The following GTF2E2 variants were observed in gnomAD, a reference collection of about 807,000 sequenced individuals.
The protein encoded by GTF2E2 is transcription initiation factor IIE subunit beta.
GTF2E2 carries 21 observed loss-of-function variants against 40.5 expected under a neutral mutation model. The observed-to-expected ratio is 0.52, with a 90% CI of 0.37 to 0.75. The LOEUF is 0.75. Among genes scored for constraint, GTF2E2 ranks in the 30% least tolerant of loss-of-function variants. The probability of loss-of-function intolerance (pLI) is 0.00; values close to 1 mark genes in which losing one functional copy is unlikely to be tolerated. For missense variants in GTF2E2, 298 were observed against 338.4 expected, an observed-to-expected ratio of 0.88 and a Z score of 0.94; for synonymous variants, 117 against 121.6, an observed-to-expected ratio of 0.96 and a Z score of 0.25.
At chr8:30,585,634 T>C (rs1340539679) in intron 6 of GTF2E2, among the ~76,000 whole-genome samples, 1 of 152,066 alleles carries the variant, frequency 6.6e-6, no homozygotes, top group Non-Finnish European at 1.5e-5. Context: ...TGTGTATTGC[T>C]AGTGTAAAAT....
intron 5 of GTF2E2, among the ~76,000 whole-genome samples, chr8:30,612,029 C>T (rs1484806363): frequency 1.3e-5 from 2 of 152,146 alleles, no homozygotes; most frequent in African/African-American, 2.4e-5. Context: ...AACTCTATTG[C>T]CTTTGAGGAA....
chr8:30,620,409 G>A (rs1372932126), intron 3 of GTF2E2, among the ~76,000 whole-genome samples: 3 of 152,008 alleles, frequency 2.0e-5, no homozygotes, highest in Non-Finnish European at 4.4e-5. Context: ...GTAAGAAAAG[G>A]TTAAATGAAG....
intron 3 of GTF2E2, among the ~76,000 whole-genome samples, chr8:30,620,834 C>A (rs953004754): frequency 1.3e-5 from 2 of 151,208 alleles, no homozygotes; most frequent in Non-Finnish European, 2.9e-5. Flanking sequence ...GAGGCTGAGG[C>A]AGGAGAATCG....
At chr8:30,599,331 C>T (rs1420255062) in intron 6 of GTF2E2, among the ~76,000 whole-genome samples, 1 of 152,162 alleles carries the variant, frequency 6.6e-6, no homozygotes, top group African/African-American at 2.4e-5. Flanking sequence ...TATCCCAGCA[C>T]TTTGGGCGGC....
chr8:30,620,117 C>A (rs1801043251), intron 3 of GTF2E2, among the ~76,000 whole-genome samples: 1 of 151,906 alleles, frequency 6.6e-6, no homozygotes, highest in Admixed American at 6.6e-5. Flanking sequence ...TGACTTTAGC[C>A]CAGCAAGTCT....
intron 1 of GTF2E2, among the ~76,000 whole-genome samples, chr8:30,655,581 A>G (rs1802425831): frequency 6.6e-6 from 1 of 152,224 alleles, no homozygotes; most frequent in African/African-American, 2.4e-5. Flanking sequence ...TACTGGTTTC[A>G]CAAGCCTTTA....
chr8:30,580,444 A>G lies in GTF2E2; in HGVS notation c.644-48T>C, dbSNP rs774887008. 2.9e-6 allele frequency: 3 copies of G among 1,035,252 alleles called. No individual in the cohort carries two copies. The South Asian group carries it at 3.8e-5, about 13-fold the overall frequency. The allele number at this position is 1,035,252 out of a possible 1,614,324, so 64.1% of individuals were successfully genotyped here. A position where few individuals can be genotyped will look rare whatever the true frequency, so the allele number is the denominator to read the frequency against. On this transcript the variant is annotated intron_variant, in intron 6 of 7. Transcript: ENST00000355904. ...ATTTTACAATCCATTTTTACAAACT[A>G]TAGCATCTTGATCAAAATCCAGGTT...
intron 2 of GTF2E2, among the ~76,000 whole-genome samples, chr8:30,650,787 G>A (rs1156384171): frequency 1.3e-5 from 2 of 152,016 alleles, no homozygotes; most frequent in Non-Finnish European, 2.9e-5. Flanking sequence ...AGGCCAAGGC[G>A]GGTGGATCAC....
intron 6 of GTF2E2, among the ~76,000 whole-genome samples, chr8:30,584,249 C>G (rs1342576232): frequency 1.3e-5 from 2 of 150,384 alleles, no homozygotes; most frequent in African/African-American, 4.9e-5. Context: ...TCTGGCGGTA[C>G]TAAAAGATGT....
chr8:30,580,157 T>G (rs1250927078), intron 7 of GTF2E2, 124 bp downstream of exon 7: 2 of 656,654 alleles, frequency 3.0e-6, no homozygotes, highest in Admixed American at 5.0e-5. Context: ...AGATGTGACC[T>G]GGGCTGCGGA....
chr8:30,654,087 TCA>T (rs1563514056), intron 1 of GTF2E2, among the ~76,000 whole-genome samples: 2 of 28,396 alleles, frequency 7.0e-5, no homozygotes, highest in Non-Finnish European at 8.2e-5. Flanking sequence ...AGACCCTTGT[TCA>T]AAAAAAAAAA....
At chr8:30,588,343 G>A (rs540134369) in intron 6 of GTF2E2, among the ~76,000 whole-genome samples, 1 of 152,158 alleles carries the variant, frequency 6.6e-6, no homozygotes, top group South Asian at 2.1e-4. Flanking sequence ...ACAGATGAAC[G>A]GATAACAAAA....
At chr8:30,636,868 A>G in intron 2 of GTF2E2, 1 of 362,990 alleles carries the variant, frequency 2.8e-6, no homozygotes, top group Non-Finnish European at 5.3e-6. Flanking sequence ...AAAAAAAAAA[A>G]AAAAAAGAAT....
At chr8:30,636,378 T>C (rs756929130) in intron 2 of GTF2E2, among the ~76,000 whole-genome samples, 1 of 152,128 alleles carries the variant, frequency 6.6e-6, no homozygotes, top group South Asian at 2.1e-4. Flanking sequence ...AAACAAAAGA[T>C]TGCATTAGAA....
chr8:30,608,996 G>A (rs1268060881), intron 5 of GTF2E2, among the ~76,000 whole-genome samples: 5 of 152,004 alleles, frequency 3.3e-5, no homozygotes, highest in Non-Finnish European at 5.9e-5. Flanking sequence ...TGATCCACCC[G>A]CCTCGGCCTC....
intron 3 of GTF2E2, among the ~76,000 whole-genome samples, chr8:30,626,909 A>G (rs1425870483): frequency 6.6e-6 from 1 of 152,232 alleles, no homozygotes; most frequent in East Asian, 1.9e-4. Context: ...TGGACAAGTC[A>G]AGGTACTTAC....
chr8:30,648,450 G>A (rs1802169957), intron 2 of GTF2E2, among the ~76,000 whole-genome samples: 1 of 152,228 alleles, frequency 6.6e-6, no homozygotes, highest in African/African-American at 2.4e-5. Flanking sequence ...GCAATCCAAT[G>A]ACCGTGGCCT....
rs1828771588 is a variant in GTF2E2, at chr8:30,589,286, A to G, written c.644-8890T>C. Among the ~76,000 whole-genome samples the G allele has an allele frequency of 1.3e-5, 2 of 152,154 alleles. 1 individual carries two copies. Among genetic ancestry groups the G allele is most frequent in the South Asian group, 4.1e-4 (2 of 4,832 alleles). On this transcript the variant is annotated intron_variant, in intron 6 of 7. Transcript: ENST00000355904. Reference sequence around the variant, plus strand: ...AAGAAAAAAGTATTGGCATGGTGCAATGACTCACACCTGTAATCCCAGTAC... The same window carrying G: ...AAGAAAAAAGTATTGGCATGGTGCAGTGACTCACACCTGTAATCCCAGTAC...
At chr8:30,632,370 A>T (rs1299250450) in intron 3 of GTF2E2, among the ~76,000 whole-genome samples, 1 of 152,162 alleles carries the variant, frequency 6.6e-6, no homozygotes. Context: ...TAATCTATTT[A>T]TTTGAAATTT....
Sources: gnomAD v4.1 joint callset for allele counts (sites outside exome capture counted in the v4.1 genomes callset) on GRCh38, gnomAD v4.1.1 for gene constraint, MANE v1.5 for transcripts, NCBI Gene and HGNC (gene_info 2026-07-23, HGNC 2026-07-21) for gene names.